Variants in NPAS3 observed in about 807,000 individuals in gnomAD.
The protein encoded by NPAS3 is neuronal PAS domain-containing protein 3.
NPAS3 carries 14 observed loss-of-function variants against 73.1 expected under a neutral mutation model. The ratio of observed to expected loss-of-function variants is 0.19; its 90% CI spans 0.13 to 0.30. The LOEUF (loss-of-function observed/expected upper bound fraction) is 0.30, where lower values mean the gene tolerates loss of function less well. Among genes scored for constraint, NPAS3 ranks in the 10% least tolerant of loss-of-function variants. NPAS3 has a pLI of 1.00. For synonymous variants in NPAS3, 620 were observed against 541.5 expected, an observed-to-expected ratio of 1.14 and a Z score of -2.01; for missense variants, 1,096 against 1,250.0, an observed-to-expected ratio of 0.88 and a Z score of 1.86.
At chr14:33,693,993 G>A (rs2060305116) in intron 6 of NPAS3, among the ~76,000 whole-genome samples, 1 of 151,890 alleles carries the variant, frequency 6.6e-6, no homozygotes, top group African/African-American at 2.4e-5. Context: ...ATTCCTCAGG[G>A]GTCATGTTCA....
intron 2 of NPAS3, among the ~76,000 whole-genome samples, chr14:33,199,911 A>T (rs1333951051): frequency 6.6e-6 from 1 of 152,184 alleles, no homozygotes; most frequent in Non-Finnish European, 1.5e-5. Context: ...TATCGAAGAC[A>T]TACTCTATAT....
chr14:33,489,243 C>T (rs1398034477), intron 4 of NPAS3, among the ~76,000 whole-genome samples: 1 of 152,100 alleles, frequency 6.6e-6, no homozygotes. Flanking sequence ...TTCGGATTGA[C>T]TCCGAAGGAA....
At chr14:33,388,136 G>A (rs747931593) in intron 4 of NPAS3, among the ~76,000 whole-genome samples, 61 of 152,272 alleles carry the variant, frequency 4.0e-4, no homozygotes, top group Non-Finnish European at 7.1e-4. Flanking sequence ...AATGCACAGG[G>A]CTTTGCAAGG....
intron 4 of NPAS3, among the ~76,000 whole-genome samples, chr14:33,482,443 C>T (rs564825349): frequency 2.9e-4 from 44 of 152,086 alleles, no homozygotes; most frequent in Admixed American, 5.9e-4. Flanking sequence ...ACTATAACTA[C>T]AGAACACAGG....
rs1489344468 is a variant in NPAS3, at chr14:33,144,043, GTATC to G, written c.141-71137_141-71134del. Among the ~76,000 whole-genome samples the G allele has an allele frequency of 2.0e-5, 3 of 152,136 alleles. No homozygotes were observed. The South Asian group carries it at 6.2e-4, about 31-fold the overall frequency. On this transcript the variant is annotated intron_variant, in intron 2 of 11. Coordinates refer to ENST00000356141, the Ensembl canonical transcript of NPAS3. ...CATTTGGGCACATGTATTTGTTTGA[GTATC>G]TGTTCTCAGTTCTTCTAGGTATATA...
intron 6 of NPAS3, among the ~76,000 whole-genome samples, chr14:33,722,582 C>T (rs1399354568): frequency 6.6e-6 from 1 of 151,882 alleles, no homozygotes; most frequent in Admixed American, 6.6e-5. Context: ...CTACTTCTTG[C>T]AAAAGATTAG....
intron 3 of NPAS3, among the ~76,000 whole-genome samples, chr14:33,287,629 G>T (rs2041931562): frequency 6.6e-6 from 1 of 152,060 alleles, no homozygotes; most frequent in Non-Finnish European, 1.5e-5. Flanking sequence ...CTACTACTTA[G>T]TGCAAGTCCA....
intron 4 of NPAS3, among the ~76,000 whole-genome samples, chr14:33,541,494 T>C (rs914772820): frequency 6.6e-6 from 1 of 152,268 alleles, no homozygotes; most frequent in Admixed American, 6.5e-5. Context: ...AATTAAGATA[T>C]CTGAACCATC....
intron 1 of NPAS3, among the ~76,000 whole-genome samples, chr14:33,030,970 G>A (rs2039968671): frequency 2.0e-5 from 3 of 152,084 alleles, no homozygotes; most frequent in South Asian, 4.1e-4. Context: ...TGGAAGCCTG[G>A]TGTTAATGAA....
intron 4 of NPAS3, among the ~76,000 whole-genome samples, chr14:33,436,679 G>A (rs1388518026): frequency 6.6e-6 from 1 of 152,120 alleles, no homozygotes; most frequent in Non-Finnish European, 1.5e-5. Flanking sequence ...TTCAAGCATT[G>A]CTGTGTATTT....
intron 5 of NPAS3, among the ~76,000 whole-genome samples, chr14:33,613,242 AC>A (rs2057806108): frequency 6.6e-6 from 1 of 152,160 alleles, no homozygotes; most frequent in African/African-American, 2.4e-5. Flanking sequence ...AAGAGGAGTT[AC>A]CCTGAGGCCA....
At chr14:33,118,742 A>C (rs1419013115) in intron 2 of NPAS3, among the ~76,000 whole-genome samples, 1 of 152,190 alleles carries the variant, frequency 6.6e-6, no homozygotes, top group East Asian at 1.9e-4. Context: ...TCCAAATAAA[A>C]GTAGTTGGAC....
intron 3 of NPAS3, among the ~76,000 whole-genome samples, chr14:33,297,047 G>GTGA (rs1381498758): frequency 6.6e-6 from 1 of 152,030 alleles, no homozygotes; most frequent in African/African-American, 2.4e-5. Context: ...TGCATACTTA[G>GTGA]TGATGACATA....
intron 6 of NPAS3, among the ~76,000 whole-genome samples, chr14:33,688,028 G>A (rs2060137065): frequency 6.6e-6 from 1 of 152,142 alleles, no homozygotes; most frequent in Admixed American, 6.5e-5. Context: ...GTCTAATACA[G>A]CACTTCCAAA....
chr14:33,493,389 G>A (rs1004515808), intron 4 of NPAS3, among the ~76,000 whole-genome samples: 3 of 149,110 alleles, frequency 2.0e-5, no homozygotes, highest in African/African-American at 7.5e-5. Flanking sequence ...TCTTGTCTCT[G>A]TGCTGCTCCT....
chr14:33,664,830 A>AATGG (rs1229918649), intron 5 of NPAS3, among the ~76,000 whole-genome samples: 5 of 152,228 alleles, frequency 3.3e-5, no homozygotes, highest in Non-Finnish European at 7.3e-5. Flanking sequence ...CACCAGTTAG[A>AATGG]ATGGCGATTA....
At chr14:33,071,535 T>G (rs546543992) in intron 2 of NPAS3, among the ~76,000 whole-genome samples, 58 of 152,324 alleles carry the variant, frequency 3.8e-4, no homozygotes, top group African/African-American at 1.3e-3. Flanking sequence ...ATCATTAAGA[T>G]TATTAAAACA....
chr14:33,014,852 G>T (rs1408545430), intron 1 of NPAS3, among the ~76,000 whole-genome samples: 1 of 152,194 alleles, frequency 6.6e-6, no homozygotes, highest in Non-Finnish European at 1.5e-5. Context: ...CACCAGAGCT[G>T]CACAGCAGGT....
At chr14:32,993,767 G>A (rs971381506) in intron 1 of NPAS3, among the ~76,000 whole-genome samples, 2 of 152,046 alleles carry the variant, frequency 1.3e-5, no homozygotes, top group African/African-American at 2.4e-5. Context: ...TTGAATGAAG[G>A]TGAAGTTAGT....
Sources: allele counts gnomAD v4.1 joint callset (sites outside exome capture counted in the v4.1 genomes callset), GRCh38; gene constraint gnomAD v4.1.1; transcripts MANE v1.5; gene names NCBI Gene and HGNC (gene_info 2026-07-23, HGNC 2026-07-21).